Variants in CEP44 observed in about 807,000 individuals in gnomAD.
CEP44 encodes the protein centrosomal protein 44.
A neutral mutation model predicts 46.7 loss-of-function variants in CEP44; 45 were observed. That is an observed-to-expected ratio of 0.96 (90% CI 0.76 to 1.24). CEP44 has a LOEUF of 1.24. Among genes scored for constraint, CEP44 ranks in the 50% most tolerant of loss-of-function variants. The pLI is 0.00. For synonymous variants in CEP44, 142 were observed against 146.0 expected, an observed-to-expected ratio of 0.97 and a Z score of 0.20; for missense variants, 475 against 459.7, an observed-to-expected ratio of 1.03 and a Z score of -0.30.
At chr4:174,294,158 G>T (rs1380261033) in intron 1 of CEP44, among the ~76,000 whole-genome samples, 1 of 150,978 alleles carries the variant, frequency 6.6e-6, no homozygotes, top group African/African-American at 2.4e-5. Flanking sequence ...GTGAACAAAG[G>T]TCTCTGGTTT....
At chr4:174,296,678 A>C (rs758884742) in intron 1 of CEP44, among the ~76,000 whole-genome samples, 4 of 151,742 alleles carry the variant, frequency 2.6e-5, no homozygotes, top group Non-Finnish European at 5.9e-5. Context: ...AATTGAGAAG[A>C]ATATGTATTC....
chr4:174,295,190 C>T (rs370030879), intron 1 of CEP44, among the ~76,000 whole-genome samples: 19 of 149,686 alleles, frequency 1.3e-4, no homozygotes, highest in Admixed American at 5.3e-4. Flanking sequence ...ACTTCCCAGA[C>T]GGGGTGGCTG....
rs750236678 is a variant in CEP44, at chr4:174,308,786, A to C, written c.605A>C (p.Asp202Ala). The C allele has an allele frequency of 6.2e-7, 1 of 1,613,396 alleles. No homozygotes were observed. The highest frequency in any genetic ancestry group is 1.1e-5 in the South Asian group (1 of 91,052). Residue 202 changes from aspartate to alanine, a missense_variant, in exon 7 of 12, where the codon GAT becomes GCT. Transcript: ENST00000503780. ...SPITDVNEAV[D>A]VSDLNATEIK... ...ATAACAGATGTTAATGAAGCAGTTG[A>C]TGTGTCTGACTTAAATGCTACTGAA...
chr4:174,327,392 T>C (rs1437380941), intron 8 of CEP44, among the ~76,000 whole-genome samples: 1 of 151,932 alleles, frequency 6.6e-6, no homozygotes, highest in East Asian at 1.9e-4. Context: ...CAGATTATAA[T>C]TTTAATTCAA....
At position 174,319,914 on chromosome 4, in the gene CEP44, G is replaced by A. The variant is rs1268495823; in HGVS notation, c.*2531G>A. 1 of 984,928 alleles carries A rather than the reference G, an allele frequency of 1.0e-6. No homozygotes were observed. Among genetic ancestry groups the A allele is most frequent in the East Asian group, 1.1e-4 (1 of 8,826 alleles). 61.0% of individuals were successfully genotyped at this position (984,928 alleles called of 1,614,324 possible). A position where few individuals can be genotyped will look rare whatever the true frequency, so the allele number is the denominator to read the frequency against. On this transcript the variant is annotated 3_prime_UTR_variant, in exon 12 of 12. Coordinates refer to ENST00000503780, the MANE Select transcript of CEP44 (RefSeq NM_001040157.3). ...GTAAGTGGTTTCTAGTTATAAACTAGCCACTGTTGATTAACTTGAGAAGGT... is the reference window on the plus strand; with the variant it reads ...GTAAGTGGTTTCTAGTTATAAACTAACCACTGTTGATTAACTTGAGAAGGT...
At chr4:174,322,575 C>T (rs1742392744), downstream of CEP44, among the ~76,000 whole-genome samples, 1 of 152,118 alleles carries the variant, frequency 6.6e-6, no homozygotes, top group Admixed American at 6.6e-5. Flanking sequence ...AGGTTGTCCT[C>T]CCTGCGAAAC....
At position 174,331,377 on chromosome 4, in the gene CEP44, G is replaced by A; in HGVS notation, c.1087-105G>A. The A allele has an allele frequency of 8.5e-7, 1 of 1,173,120 alleles. No individual in the cohort carries two copies. Among genetic ancestry groups the A allele is most frequent in the Admixed American group, 2.7e-5 (1 of 37,250 alleles). The allele number at this position is 1,173,120 out of a possible 1,614,324, so 72.7% of individuals were successfully genotyped here. A position where few individuals can be genotyped will look rare whatever the true frequency, so the allele number is the denominator to read the frequency against. ...TTTCAGAGTACCTATTATGGAAGAG[G>A]AGGAAATATTAATAGCACTCTGACA... On this transcript the variant is annotated intron_variant, in intron 8 of 8. Coordinates refer to the CEP44 transcript ENST00000426172. The surrounding 1 kb of genome is among the most constrained non-coding windows in gnomAD (Gnocchi z 4.5).
At position 174,309,879 on chromosome 4, in the gene CEP44, A is replaced by T. The variant is rs760828480; in HGVS notation, c.708A>T (p.Ala236=). The T allele has an allele frequency of 6.2e-7, 1 of 1,610,220 alleles. No homozygotes were observed. The highest frequency in any genetic ancestry group is 2.2e-5 in the East Asian group (1 of 44,740). ...TAAATGTTAATCCTGAGATTACTGC[A>T]CTACAAACTATGCTTGCTGAATGCC... The part of the protein sequence containing the change: ...QDVNVNPEIT[A]LQTMLAECQE... The change falls in exon 8 of 12, where the codon GCA becomes GCT. Residue 236 remains alanine, a synonymous_variant. Coordinates refer to ENST00000503780, the MANE Select transcript of CEP44 (RefSeq NM_001040157.3). The surrounding 1 kb of genome is among the most constrained non-coding windows in gnomAD (Gnocchi z 5.3).
rs1166525269 is a variant in CEP44 at position 174,314,369 on chromosome 4, G to C, written c.962-1797G>C. Among the ~76,000 whole-genome samples, 1 of 152,118 alleles carries C rather than the reference G, an allele frequency of 6.6e-6. No homozygotes were observed. Among genetic ancestry groups the C allele is most frequent in the Non-Finnish European group, 1.5e-5 (1 of 68,006 alleles). ...TACTAAAGGTTCAGGATAGCAATAAGAAAAAATATAGAAATTAATGTGCAG... is the reference window on the plus strand; with the variant it reads ...TACTAAAGGTTCAGGATAGCAATAACAAAAAATATAGAAATTAATGTGCAG... On this transcript the variant is annotated intron_variant, in intron 9 of 11. Transcript: ENST00000503780. The surrounding 1 kb of genome is among the most constrained non-coding windows in gnomAD (Gnocchi z 4.1).
exon 9 of CEP44, chr4:174,333,259 G>T (rs1731398446): frequency 6.7e-6 from 1 of 148,550 alleles, no homozygotes; most frequent in Admixed American, 6.9e-5. Flanking sequence ...ATTCAATTTT[G>T]TGGTCTGGCA....
rs1025364206 is a variant in CEP44, at chr4:174,286,338, T to C, written c.-148+2395T>C. On this transcript the variant is annotated intron_variant, in intron 1 of 11. Coordinates refer to ENST00000503780, the MANE Select transcript of CEP44 (RefSeq NM_001040157.3). The surrounding 1 kb of genome is among the most constrained non-coding windows in gnomAD (Gnocchi z 5.2). ...GTGTGTAAAGGGATGATTTGTATCC[T>C]GGACAGCTGGGTAATGCGAATTGGA... Among the ~76,000 whole-genome samples, 2 of 152,212 alleles carry C rather than the reference T, an allele frequency of 1.3e-5. No homozygotes were observed. The highest frequency in any genetic ancestry group is 2.9e-5 in the Non-Finnish European group (2 of 68,032).
intron 6 of CEP44, among the ~76,000 whole-genome samples, chr4:174,307,142 C>A (rs1740503306): frequency 1.3e-5 from 2 of 151,956 alleles, no homozygotes; most frequent in Non-Finnish European, 2.9e-5. Context: ...CAAAAAAGAC[C>A]CAAATAGCCA....
Position 174,303,785 on chromosome 4 carries a change from A to G in CEP44, c.320A>G (p.Gln107Arg). 1 of 1,578,082 alleles carries G rather than the reference A, an allele frequency of 6.3e-7. No individual in the cohort carries two copies. The highest frequency in any genetic ancestry group is 8.7e-7 in the Non-Finnish European group (1 of 1,153,166). ...IQCGFAEWKI[Q>R]IVCDILNCVM... Reference sequence around the variant, plus strand: ...TGTGGGTTTGCAGAATGGAAAATCCAAATTGTTTGTGATATTTTGAATTGT... The same window carrying G: ...TGTGGGTTTGCAGAATGGAAAATCCGAATTGTTTGTGATATTTTGAATTGT... Residue 107 changes from glutamine to arginine, a missense_variant, in exon 5 of 12, where the codon CAA becomes CGA. Gln to Arg is a conservative substitution (Grantham distance 43, BLOSUM62 1). Transcript: ENST00000503780.
intron 1 of CEP44, among the ~76,000 whole-genome samples, chr4:174,296,884 A>G (rs562454392): frequency 1.1e-4 from 16 of 147,822 alleles, no homozygotes; most frequent in Non-Finnish European, 1.5e-5. Context: ...TTTGTTTCAT[A>G]TATCTTGACA....
intron 1 of CEP44, among the ~76,000 whole-genome samples, chr4:174,294,717 G>T (rs1051409984): frequency 6.8e-6 from 1 of 146,970 alleles, no homozygotes; most frequent in African/African-American, 2.5e-5. Context: ...TGGCCGGGCG[G>T]GGGGCTGACC....
intron 11 of CEP44, 159 bp downstream of exon 11, chr4:174,316,726 C>T (rs1399791028): frequency 3.5e-6 from 2 of 566,758 alleles, no homozygotes; most frequent in Non-Finnish European, 6.0e-6. Context: ...AATCCACCTA[C>T]AGTTATGTGT....
intron 1 of CEP44, among the ~76,000 whole-genome samples, chr4:174,293,391 T>C (rs535502379): frequency 2.6e-5 from 4 of 152,280 alleles, no homozygotes; most frequent in African/African-American, 7.2e-5. Flanking sequence ...CTTTTATACA[T>C]AGATGGTTGC....
intron 3 of CEP44, among the ~76,000 whole-genome samples, chr4:174,300,209 A>G (rs1739556330): frequency 6.6e-6 from 1 of 152,206 alleles, no homozygotes; most frequent in Admixed American, 6.5e-5. Flanking sequence ...ATAACTCTTG[A>G]GGTTACAGTA....
Position 174,317,587 on chromosome 4 carries a change from CTTT to C in CEP44, c.*215_*217del, listed in dbSNP as rs34842155. ...GATTATACTGCTTTACCTTGTGTCA[CTTT>C]TTTTTTTTTTAGGAAAAACTCATGT... is the stretch of plus-strand genomic sequence containing the variant. On this transcript the variant is annotated 3_prime_UTR_variant, in exon 12 of 12. Coordinates refer to ENST00000503780, the MANE Select transcript of CEP44 (RefSeq NM_001040157.3). The C allele has an allele frequency of 3.8e-5, 34 of 887,686 alleles. No homozygotes were observed. Among genetic ancestry groups the C allele is most frequent in the Middle Eastern group, 5.0e-4 (1 of 1,996 alleles). The allele number at this position is 887,686 out of a possible 1,614,324, so 55.0% of individuals were successfully genotyped here. A position where few individuals can be genotyped will look rare whatever the true frequency, so the allele number is the denominator to read the frequency against.
Sources: gnomAD v4.1 joint callset for allele counts (sites outside exome capture counted in the v4.1 genomes callset) on GRCh38, gnomAD v4.1.1 for gene constraint, Gnocchi (gnomAD v3.1) non-coding constraint, MANE v1.5 for transcripts, NCBI Gene and HGNC (gene_info 2026-07-23, HGNC 2026-07-21) for gene names.